The following YLPM1 variants were observed in gnomAD, a reference collection of about 807,000 sequenced individuals.
YLPM1 encodes the protein YLP motif containing 1, also known as YLP motif-containing protein 1.
A neutral mutation model predicts 230.0 loss-of-function variants in YLPM1; 99 were observed. That is an observed-to-expected ratio of 0.43 (90% CI 0.37 to 0.51). The LOEUF is 0.51. YLPM1 is among the 20% of genes least tolerant of loss of function. YLPM1 has a pLI of 0.00. For missense variants in YLPM1, 2,592 were observed against 2,707.7 expected (o/e 0.96, Z 0.95); for synonymous variants, 984 against 942.5 (o/e 1.04, Z -0.81).
chr14:74,779,166 A>C (rs749843116), intron 2 of YLPM1, among the ~76,000 whole-genome samples: 4 of 151,918 alleles, frequency 2.6e-5, no homozygotes, highest in Non-Finnish European at 4.4e-5. Flanking sequence ...TAGAAAAGGA[A>C]ATTTTTCCTA....
At chr14:74,808,144 A>G (rs531636828) in intron 6 of YLPM1, among the ~76,000 whole-genome samples, 5 of 152,338 alleles carry the variant, frequency 3.3e-5, no homozygotes, top group African/African-American at 1.2e-4. Flanking sequence ...ACCAGTTTAC[A>G]GTTAGTTAAT....
At chr14:74,821,358 A>G in intron 17 of YLPM1, 1 of 542,406 alleles carries the variant, frequency 1.8e-6, no homozygotes, top group Non-Finnish European at 2.9e-6. Flanking sequence ...CAGAGTGCTA[A>G]GAAACTTACC....
chr14:74,819,557 G>A (rs561668542), intron 16 of YLPM1, among the ~76,000 whole-genome samples: 1 of 152,078 alleles, frequency 6.6e-6, no homozygotes, highest in Non-Finnish European at 1.5e-5. Context: ...TTACAGACGT[G>A]AGCCACCATG....
At chr14:74,809,204 C>G (rs2091409390) in intron 6 of YLPM1, among the ~76,000 whole-genome samples, 176 bp from the exon 7 acceptor site, 1 of 151,450 alleles carries the variant, frequency 6.6e-6, no homozygotes, top group Admixed American at 6.6e-5. Context: ...TATGTTTTCT[C>G]CCTTTCTGTG....
At chr14:74,807,147 A>G (rs895070895) in intron 6 of YLPM1, among the ~76,000 whole-genome samples, 1 of 152,174 alleles carries the variant, frequency 6.6e-6, no homozygotes, top group African/African-American at 2.4e-5. Context: ...TGTATTAGTC[A>G]ACTCCATTTT....
intron 2 of YLPM1, among the ~76,000 whole-genome samples, chr14:74,779,641 CT>C (rs10715703): frequency 0.67 from 93,353 of 140,308 alleles, 30,688 homozygotes; most frequent in East Asian, 0.77. Context: ...TTAAGGTTCA[CT>C]TTTTTTTTTT....
In YLPM1 at chr14:74,782,111, C is replaced by A. The variant is rs779080429; in HGVS notation, c.2068C>A (p.Gln690Lys). The A allele has an allele frequency of 5.6e-6, 9 of 1,613,906 alleles. No individual in the cohort carries two copies. The Admixed American group carries it at 1.0e-4, about 18-fold the overall frequency. Residue 690 changes from glutamine (Q) to lysine (K), a missense_variant, in exon 4 of 21, where the codon CAA (glutamine) becomes AAA (lysine). By Grantham distance (53) the Gln-to-Lys change is moderately conservative. Around this residue, in one of 4 missense-constraint regions of YLPM1, gnomAD observed 1,862 missense variants for 1,819.8 expected, o/e 1.02. Transcript: ENST00000325680. Reference sequence around the variant, plus strand: ...ACCGACAACTTACCATCCTCCGTTGCAATCAGCTGGTCCATCAGAACAAGT... The same window carrying A: ...ACCGACAACTTACCATCCTCCGTTGAAATCAGCTGGTCCATCAGAACAAGT... ...APPTTYHPPLQSAGPSEQVNS... is the reference protein window; with the variant it reads ...APPTTYHPPLKSAGPSEQVNS...
At chr14:74,771,802 G>C (rs2090978892) in intron 1 of YLPM1, among the ~76,000 whole-genome samples, 1 of 152,128 alleles carries the variant, frequency 6.6e-6, no homozygotes, top group Non-Finnish European at 1.5e-5. Flanking sequence ...TTGACTGAAG[G>C]AGAGAGAGAA....
intron 16 of YLPM1, among the ~76,000 whole-genome samples, chr14:74,820,120 A>G (rs2091509442): frequency 6.6e-6 from 1 of 152,220 alleles, no homozygotes; most frequent in Admixed American, 6.5e-5. Flanking sequence ...ATATTATCTT[A>G]GTATACCTCA....
At chr14:74,804,876 A>G (rs1300727049) in intron 6 of YLPM1, among the ~76,000 whole-genome samples, 2 of 152,078 alleles carry the variant, frequency 1.3e-5, no homozygotes, top group Non-Finnish European at 2.9e-5. Flanking sequence ...GTTATATGCT[A>G]TATTATTTTT....
Position 74,798,398 on chromosome 14 carries a change from A to AAGGTCTAGTAAACAG in YLPM1, c.3107_3121dup (p.Leu1036_Gly1040dup). 1 of 1,614,030 alleles carries AAGGTCTAGTAAACAG rather than the reference A, an allele frequency of 6.2e-7. No homozygotes were observed. Among genetic ancestry groups the AAGGTCTAGTAAACAG allele is most frequent in the Non-Finnish European group, 8.5e-7 (1 of 1,179,894 alleles). ...AGCAGAATGGAAGACACACGGGATA[A>AAGGTCTAGTAAACAG]AGGTCTAGTAAACAGAGGTCGCGGC... On this transcript the variant is annotated inframe_insertion, in exon 5 of 21. Coordinates refer to ENST00000325680, the MANE Select transcript of YLPM1 (RefSeq NM_019589.3).
chr14:74,794,471 C>G (rs569691156), intron 4 of YLPM1, among the ~76,000 whole-genome samples: 1 of 152,170 alleles, frequency 6.6e-6, no homozygotes, highest in Non-Finnish European at 1.5e-5. Context: ...CGTGAGCCAC[C>G]GTGCCTGGCA....
At chr14:74,804,473 A>G (rs911157365) in intron 6 of YLPM1, among the ~76,000 whole-genome samples, 4 of 152,092 alleles carry the variant, frequency 2.6e-5, no homozygotes, top group Non-Finnish European at 4.4e-5. Context: ...CTACTTAACA[A>G]TTTTGTGAAT....
At chr14:74,832,728 C>T (rs1164757445) in intron 19 of YLPM1, among the ~76,000 whole-genome samples, 3 of 152,186 alleles carry the variant, frequency 2.0e-5, no homozygotes, top group Non-Finnish European at 4.4e-5. Flanking sequence ...CTGCTGCAGC[C>T]TCCCAAAGTG....
intron 17 of YLPM1, chr14:74,821,934 T>G (rs2091524347): frequency 6.6e-6 from 1 of 152,150 alleles, no homozygotes; most frequent in Non-Finnish European, 1.5e-5. Flanking sequence ...CTTTTGAAAA[T>G]GTACAAAATG....
chr14:74,827,468 G>C, intron 18 of YLPM1: 1 of 985,372 alleles, frequency 1.0e-6, no homozygotes, highest in Non-Finnish European at 1.2e-6. Context: ...ATTTCAAAAA[G>C]GGTGCTCAGA....
At chr14:74,776,667 G>C (rs1342450527) in intron 1 of YLPM1, among the ~76,000 whole-genome samples, 1 of 152,174 alleles carries the variant, frequency 6.6e-6, no homozygotes, top group Admixed American at 6.5e-5. Flanking sequence ...CTTCATCTCG[G>C]CTGGGAATGC....
chr14:74,829,359 A>G lies in YLPM1; in HGVS notation c.6294+16A>G, dbSNP rs372385881. 1.9e-6 allele frequency: 3 copies of G among 1,612,230 alleles called. No homozygotes were observed. The highest frequency in any genetic ancestry group is 1.7e-5 in the Admixed American group (1 of 59,964). On this transcript the variant is annotated intron_variant, in intron 19 of 20. Transcript: ENST00000325680. Reference sequence around the variant, plus strand: ...GAAGAAGAGGGTAAGAGACTTTGTCAATAACTGCCAACAAATGAAGGGCCC... The same window carrying G: ...GAAGAAGAGGGTAAGAGACTTTGTCGATAACTGCCAACAAATGAAGGGCCC...
Position 74,764,221 on chromosome 14 carries a change from A to T in YLPM1, c.732A>T (p.Leu244=). 6.2e-7 allele frequency: 1 copy of T among 1,611,760 alleles called. No individual in the cohort carries two copies. The highest frequency in any genetic ancestry group is 1.1e-5 in the South Asian group (1 of 90,968). ...CCCAGGGCCATTCTAAATCCCAACT[A>T]CTAGCTCCACCACCACCGTCCGCCC... ...RPSQGHSKSQ[L]LAPPPPSAPP... Residue 244 remains leucine (L), a synonymous_variant, in exon 1 of 21, where the codon CTA becomes CTT. Transcript: ENST00000325680.
Sources: allele counts gnomAD v4.1 joint callset (sites outside exome capture counted in the v4.1 genomes callset), GRCh38; gene constraint gnomAD v4.1.1; regional missense constraint gnomAD v4.1.1; transcripts MANE v1.5; gene names NCBI Gene and HGNC (gene_info 2026-07-23, HGNC 2026-07-21).